TRPM3: variants seen among roughly 807,000 people sequenced by gnomAD.
TRPM3 encodes long transient receptor potential channel 3.
In TRPM3, 77 loss-of-function variants were observed where a neutral mutation model predicts 181.2. The observed-to-expected ratio is 0.42, with a 90% confidence interval of 0.35 to 0.51. The LOEUF (loss-of-function observed/expected upper bound fraction) is 0.51. TRPM3 is among the 20% of genes least tolerant of loss of function. The pLI is 0.01. For missense variants in TRPM3, 1,759 were observed against 2,196.7 expected, an observed-to-expected ratio of 0.80 and a Z score of 3.98; for synonymous variants, 745 against 796.4, an observed-to-expected ratio of 0.94 and a Z score of 1.09.
chr9:70,630,627 C>T (rs2065645856), intron 12 of TRPM3, among the ~76,000 whole-genome samples: 1 of 152,218 alleles, frequency 6.6e-6, no homozygotes, highest in South Asian at 2.1e-4. Flanking sequence ...AACAGTCATT[C>T]TGCCTGCTGT....
intron 1 of TRPM3, among the ~76,000 whole-genome samples, chr9:71,001,144 C>G (rs1166268738): frequency 6.6e-6 from 1 of 152,136 alleles, no homozygotes; most frequent in East Asian, 1.9e-4. Context: ...ATTTTTAATG[C>G]TCTTTGAACC....
At chr9:70,986,230 G>T (rs1217342438) in intron 1 of TRPM3, among the ~76,000 whole-genome samples, 1 of 152,036 alleles carries the variant, frequency 6.6e-6, no homozygotes, top group Non-Finnish European at 1.5e-5. Context: ...CAGGCATGGT[G>T]GTGCAAGACT....
At chr9:70,763,046 T>C (rs1425564861) in intron 7 of TRPM3, among the ~76,000 whole-genome samples, 1 of 152,192 alleles carries the variant, frequency 6.6e-6, no homozygotes, top group Non-Finnish European at 1.5e-5. Context: ...CCAGTTTATG[T>C]GAGGTTCATC....
intron 1 of TRPM3, among the ~76,000 whole-genome samples, chr9:70,977,773 T>C (rs1021584058): frequency 2.6e-5 from 4 of 152,144 alleles, no homozygotes; most frequent in South Asian, 2.1e-4. Flanking sequence ...GCTGGTTTGT[T>C]AGAAAGAACA....
chr9:71,358,339 T>C (rs1363483609), intron 1 of TRPM3, among the ~76,000 whole-genome samples: 1 of 152,158 alleles, frequency 6.6e-6, no homozygotes, highest in Non-Finnish European at 1.5e-5. Flanking sequence ...CCCACATAGA[T>C]CTGTTAACTC....
At chr9:71,408,800 T>C (rs1317981439) in intron 1 of TRPM3, among the ~76,000 whole-genome samples, 1 of 152,006 alleles carries the variant, frequency 6.6e-6, no homozygotes, top group East Asian at 1.9e-4. Flanking sequence ...GACATGTAAT[T>C]GTCAGATTCA....
chr9:71,102,228 C>T (rs1360729212), intron 1 of TRPM3, among the ~76,000 whole-genome samples: 1 of 152,106 alleles, frequency 6.6e-6, no homozygotes, highest in Non-Finnish European at 1.5e-5. Context: ...ACCACCCGTC[C>T]TGGAATCACC....
At chr9:70,888,740 G>C (rs952833611) in intron 1 of TRPM3, among the ~76,000 whole-genome samples, 6 of 152,158 alleles carry the variant, frequency 3.9e-5, no homozygotes, top group African/African-American at 1.4e-4. Flanking sequence ...GATGAGAAGA[G>C]GAAGGAGATG....
intron 1 of TRPM3, among the ~76,000 whole-genome samples, chr9:71,204,213 G>T (rs1327234009): frequency 6.6e-6 from 1 of 150,766 alleles, no homozygotes; most frequent in Non-Finnish European, 1.5e-5. Context: ...TTGACAAATG[G>T]GATCTAATTA....
chr9:70,780,959 C>T (rs1048274110), intron 7 of TRPM3, among the ~76,000 whole-genome samples: 11 of 142,960 alleles, frequency 7.7e-5, no homozygotes, highest in Non-Finnish European at 1.6e-5. Flanking sequence ...GTGTAGATCC[C>T]ATATAGATTG....
At position 70,577,776 on chromosome 9, in the gene TRPM3, C is replaced by T. The variant is rs144700903; in HGVS notation, c.3223+13255G>A. On this transcript the variant is annotated intron_variant, in intron 22 of 25. Coordinates refer to ENST00000677713, the MANE Select transcript of TRPM3 (RefSeq NM_001366145.2). ...AAGAATCCAGTCTTTTAGTGCATGA[C>T]CTGTTTGATAGTGGTGTCCCCCGCC... Among the ~76,000 whole-genome samples the T allele has an allele frequency of 2.6e-4, 39 of 152,278 alleles. 1 individual carries two copies. In the South Asian group the frequency reaches 3.3e-3, roughly 13 times the overall value.
Position 71,037,192 on chromosome 9 carries a change from T to C in TRPM3, c.177+83986A>G, listed in dbSNP as rs188613643. ...GTATCTTGATCATCCAGTCTTGATC[T>C]ATTCTTATTATGATTATTTTCAACT... On this transcript the variant is annotated intron_variant, in intron 1 of 25. Coordinates refer to ENST00000677713, the MANE Select transcript of TRPM3 (RefSeq NM_001366145.2). 6.6e-5 allele frequency among the ~76,000 whole-genome samples: 10 copies of C among 152,356 alleles called. No homozygotes were observed. In the South Asian group the frequency reaches 1.9e-3, roughly 28 times the overall value.
intron 8 of TRPM3, among the ~76,000 whole-genome samples, chr9:70,701,809 A>G (rs955945752): frequency 1.3e-5 from 2 of 152,214 alleles, no homozygotes; most frequent in Non-Finnish European, 2.9e-5. Flanking sequence ...TCTTAACAGT[A>G]ATGAAAGCAA....
At position 71,073,831 on chromosome 9, in the gene TRPM3, A is replaced by G. The variant is rs1055335060; in HGVS notation, c.177+47347T>C. Among the ~76,000 whole-genome samples, 14 of 152,348 alleles carry G rather than the reference A, an allele frequency of 9.2e-5. No individual in the cohort carries two copies. The East Asian group carries it at 2.7e-3, about 29-fold the overall frequency. The stretch of plus-strand genomic sequence containing the variant: ...TGTCAAGAAAAGAATGCTGAATTTT[A>G]CAGTGGTACAAAGGCATTTATGATT... On this transcript the variant is annotated intron_variant, in intron 1 of 25. Coordinates refer to ENST00000677713, the MANE Select transcript of TRPM3 (RefSeq NM_001366145.2).
chr9:71,161,321 T>A (rs1050410206), intron 1 of TRPM3, among the ~76,000 whole-genome samples: 2 of 152,128 alleles, frequency 1.3e-5, no homozygotes, highest in Non-Finnish European at 2.9e-5. Context: ...CCAGAGCTCA[T>A]CTGAGCCCCA....
intron 1 of TRPM3, among the ~76,000 whole-genome samples, chr9:70,896,224 C>T (rs527295831): frequency 6.6e-6 from 1 of 152,258 alleles, no homozygotes; most frequent in African/African-American, 2.4e-5. Context: ...TATGTTGACA[C>T]AGTGGCAGAA....
At chr9:71,333,910 G>C (rs567736740) in intron 1 of TRPM3, among the ~76,000 whole-genome samples, 1 of 151,900 alleles carries the variant, frequency 6.6e-6, no homozygotes, top group South Asian at 2.1e-4. Context: ...TCGTTTAATA[G>C]CTCAATATGT....
chr9:71,410,215 A>C (rs988359598), intron 1 of TRPM3, among the ~76,000 whole-genome samples: 2 of 152,184 alleles, frequency 1.3e-5, no homozygotes, highest in Non-Finnish European at 2.9e-5. Context: ...AAGCAAGAGC[A>C]AACACATTCA....
intron 9 of TRPM3, among the ~76,000 whole-genome samples, chr9:70,662,834 A>G (rs900025632): frequency 2.0e-5 from 3 of 152,188 alleles, no homozygotes; most frequent in African/African-American, 7.2e-5. Context: ...CAGTATGTGG[A>G]TTCCTTAAAG....
Sources: gnomAD v4.1 joint callset for allele counts (sites outside exome capture counted in the v4.1 genomes callset) on GRCh38, gnomAD v4.1.1 for gene constraint, MANE v1.5 for transcripts, NCBI Gene and HGNC (gene_info 2026-07-23, HGNC 2026-07-21) for gene names.